The following PCYT1B variants were observed in gnomAD, a reference collection of about 807,000 sequenced individuals.
PCYT1B encodes the protein choline-phosphate cytidylyltransferase B.
Under a neutral mutation model 26.4 loss-of-function variants are expected in PCYT1B, and 10 were observed. The observed-to-expected ratio is 0.38, with a 90% CI of 0.23 to 0.64. PCYT1B has a LOEUF of 0.64. PCYT1B is among the 30% of genes least tolerant of loss of function. PCYT1B has a pLI of 0.56. For synonymous variants in PCYT1B, 131 were observed against 108.4 expected, an observed-to-expected ratio of 1.21 and a Z score of -1.29; for missense variants, 161 against 292.7, an observed-to-expected ratio of 0.55 and a Z score of 3.28.
intron 1 of PCYT1B, among the ~76,000 whole-genome samples, chrX:24,624,095 A>G (rs61760941): frequency 2.1e-4 from 22 of 105,697 alleles, no homozygotes; most frequent in African/African-American, 4.9e-4. Flanking sequence ...TCAGCCTCCC[A>G]AGTAGCTGGG....
intron 1 of PCYT1B, among the ~76,000 whole-genome samples, chrX:24,642,608 T>C (rs1926500864): frequency 8.9e-6 from 1 of 112,100 alleles, no homozygotes; most frequent in Non-Finnish European, 1.9e-5. Context: ...TAGTATCAAT[T>C]TGCAAGACAT....
intron 2 of PCYT1B, among the ~76,000 whole-genome samples, chrX:24,613,837 A>G (rs1387206491): frequency 9.3e-6 from 1 of 107,975 alleles, no homozygotes; most frequent in Non-Finnish European, 1.9e-5. Flanking sequence ...CCTGTGGTCC[A>G]AGCTACTTGG....
intron 1 of PCYT1B, among the ~76,000 whole-genome samples, chrX:24,656,332 G>A (rs1381864154): frequency 9.4e-6 from 1 of 106,350 alleles, no homozygotes; most frequent in African/African-American, 3.4e-5. Flanking sequence ...AAAAAGAAAT[G>A]ACCTTCACTC....
At chrX:24,668,773 G>A (rs1452108892) in intron 1 of PCYT1B, among the ~76,000 whole-genome samples, 2 of 110,080 alleles carry the variant, frequency 1.8e-5, no homozygotes, top group Non-Finnish European at 3.8e-5. Context: ...ATAGCAGAAG[G>A]GTTGGTAGAA....
chrX:24,563,990 T>C (rs1171569252), intron 7 of PCYT1B, among the ~76,000 whole-genome samples: 1 of 110,987 alleles, frequency 9.0e-6, no homozygotes, highest in Non-Finnish European at 1.9e-5. Context: ...GAGACCATCC[T>C]GGCCAACATG....
chrX:24,603,939 C>G (rs1381061915), intron 3 of PCYT1B, among the ~76,000 whole-genome samples: 2 of 111,186 alleles, frequency 1.8e-5, no homozygotes, highest in Non-Finnish European at 3.8e-5. Flanking sequence ...GGAAATCACA[C>G]CCAGACAGCA....
At chrX:24,644,502 G>A (rs1000679931) in intron 1 of PCYT1B, among the ~76,000 whole-genome samples, 4 of 106,157 alleles carry the variant, frequency 3.8e-5, no homozygotes, top group Non-Finnish European at 5.8e-5. Flanking sequence ...AACCAGAACT[G>A]CCAAAAAGAT....
intron 7 of PCYT1B, among the ~76,000 whole-genome samples, chrX:24,566,336 G>C (rs1923629391): frequency 8.9e-6 from 1 of 112,233 alleles, no homozygotes; most frequent in Non-Finnish European, 1.9e-5. Context: ...AGCAGATGAG[G>C]AGAATCAGGT....
chrX:24,574,536 C>A (rs6653705), intron 7 of PCYT1B, among the ~76,000 whole-genome samples: 5,072 of 111,509 alleles, frequency 0.045, 192 homozygotes, highest in African/African-American at 0.12. Context: ...CTTATCCCAA[C>A]ACTTGCGTGT....
intron 1 of PCYT1B, among the ~76,000 whole-genome samples, chrX:24,655,517 T>C (rs1210419081): frequency 8.9e-6 from 1 of 112,451 alleles, no homozygotes; most frequent in Non-Finnish European, 1.9e-5. Context: ...GTGCAGTGGC[T>C]CACGCCTGTA....
At chrX:24,573,951 G>A (rs751485037) in intron 7 of PCYT1B, among the ~76,000 whole-genome samples, 82 of 111,031 alleles carry the variant, frequency 7.4e-4, no homozygotes, top group Non-Finnish European at 1.3e-3. Flanking sequence ...TAACACCCAC[G>A]TCTATAATCA....
chrX:24,629,559 C>CAAAAG (rs1925984302), intron 1 of PCYT1B, among the ~76,000 whole-genome samples: 1 of 16,100 alleles, frequency 6.2e-5, no homozygotes, highest in Non-Finnish European at 1.0e-4. Context: ...GACCCTGTCT[C>CAAAAG]AAAAAAAAAA....
chrX:24,626,322 G>A (rs905920856), intron 1 of PCYT1B, among the ~76,000 whole-genome samples: 1 of 111,847 alleles, frequency 8.9e-6, no homozygotes, highest in Non-Finnish European at 1.9e-5. Flanking sequence ...TGCAGATATA[G>A]AACATTTCTA....
At chrX:24,657,235 G>A (rs1235928207) in intron 1 of PCYT1B, among the ~76,000 whole-genome samples, 1 of 111,835 alleles carries the variant, frequency 8.9e-6, no homozygotes, top group African/African-American at 3.2e-5. Flanking sequence ...AAATACAGCC[G>A]CCATCATACT....
chrX:24,608,761 C>G (rs779711521), intron 2 of PCYT1B, among the ~76,000 whole-genome samples: 30 of 111,636 alleles, frequency 2.7e-4, no homozygotes, highest in Non-Finnish European at 4.5e-4. Context: ...AAGACCCATC[C>G]CCTTCAAGTC....
chrX:24,658,487 A>G (rs1384263656), intron 1 of PCYT1B, among the ~76,000 whole-genome samples: 3 of 99,512 alleles, frequency 3.0e-5, no homozygotes, highest in African/African-American at 1.1e-4. Context: ...TGGAGGCTCT[A>G]GGGGAAATTG....
intron 1 of PCYT1B, among the ~76,000 whole-genome samples, chrX:24,663,480 C>T (rs2148281215): frequency 8.9e-6 from 1 of 112,673 alleles, no homozygotes; most frequent in East Asian, 2.8e-4. Flanking sequence ...TTTTTGCCTG[C>T]TGCTTTTCAA....
chrX:24,614,435 C>T (rs1340842007), intron 2 of PCYT1B, among the ~76,000 whole-genome samples: 1 of 112,009 alleles, frequency 8.9e-6, no homozygotes, highest in Non-Finnish European at 1.9e-5. Flanking sequence ...GTGGCTCATG[C>T]CTGTAATCCC....
chrX:24,651,370 G>T (rs188615802), upstream of PCYT1B, among the ~76,000 whole-genome samples: 2 of 97,523 alleles, frequency 2.1e-5, no homozygotes, highest in African/African-American at 3.7e-5. Flanking sequence ...CAGGAGAATC[G>T]CTTGAACCTC....
Sources: gnomAD v4.1 joint callset for allele counts (sites outside exome capture counted in the v4.1 genomes callset) on GRCh38, gnomAD v4.1.1 for gene constraint, MANE v1.5 for transcripts, NCBI Gene and HGNC (gene_info 2026-07-23, HGNC 2026-07-21) for gene names.